LRCH1: variants seen among roughly 807,000 people sequenced by gnomAD.
The protein encoded by LRCH1 is leucine rich repeats and calponin homology domain containing 1, also known as leucine-rich repeat and calponin homology domain-containing protein 1.
Under a neutral mutation model 94.9 loss-of-function variants are expected in LRCH1, and 23 were observed. The ratio of observed to expected loss-of-function variants is 0.24; its 90% confidence interval spans 0.17 to 0.34. The LOEUF is 0.34. Among genes scored for constraint, LRCH1 ranks in the 10% least tolerant of loss-of-function variants. The probability of loss-of-function intolerance (pLI) is 1.00; values close to 1 mark genes in which losing one functional copy is unlikely to be tolerated. For missense variants in LRCH1, 790 were observed against 945.9 expected (o/e 0.84, Z 2.16); for synonymous variants, 364 against 354.9 (o/e 1.03, Z -0.29).
At chr13:46,693,181 A>G (rs563341453) in intron 8 of LRCH1, among the ~76,000 whole-genome samples, 1 of 151,986 alleles carries the variant, frequency 6.6e-6, no homozygotes, top group Non-Finnish European at 1.5e-5. Context: ...GATATGATAG[A>G]TATATTAGTT....
chr13:46,661,805 TA>T (rs2138102496), intron 2 of LRCH1, among the ~76,000 whole-genome samples: 1 of 152,380 alleles, frequency 6.6e-6, no homozygotes, highest in African/African-American at 2.4e-5. Context: ...TTATTATGAA[TA>T]TTTTTATTAC....
chr13:46,670,156 G>T (rs1177447557), intron 3 of LRCH1, among the ~76,000 whole-genome samples: 2 of 152,194 alleles, frequency 1.3e-5, no homozygotes, highest in Non-Finnish European at 2.9e-5. Context: ...CTTTAATATA[G>T]AAATTAATAA....
intron 10 of LRCH1, among the ~76,000 whole-genome samples, chr13:46,700,152 C>T (rs1871390024): frequency 6.6e-6 from 1 of 152,184 alleles, no homozygotes; most frequent in Admixed American, 6.5e-5. Context: ...TGAGTTTGGA[C>T]TGTGTGACAT....
intron 1 of LRCH1, among the ~76,000 whole-genome samples, chr13:46,637,712 G>GTTT (rs5803363): frequency 6.7e-6 from 1 of 150,328 alleles, no homozygotes; most frequent in Non-Finnish European, 1.5e-5. Flanking sequence ...GCACTTCGTA[G>GTTT]TTTTTTTTTT....
intron 1 of LRCH1, among the ~76,000 whole-genome samples, chr13:46,623,262 T>C (rs556690196): frequency 1.6e-4 from 25 of 152,210 alleles, no homozygotes; most frequent in Admixed American, 3.9e-4. Flanking sequence ...ACAATCTTGG[T>C]GAAAGATAAT....
At position 46,611,465 on chromosome 13, in the gene LRCH1, C is replaced by T. The variant is rs897800501; in HGVS notation, c.308-38736C>T. On this transcript the variant is annotated intron_variant, in intron 1 of 19. Transcript: ENST00000389797. ...AATAGAGATATTTGGCTCAAAAACA[C>T]ATGAGAGATGGTAGTGTGACAGAAT... Among the ~76,000 whole-genome samples, 8 of 152,180 alleles carry T rather than the reference C, an allele frequency of 5.3e-5. No individual in the cohort carries two copies. In the South Asian group the frequency reaches 6.2e-4, roughly 12 times the overall value.
intron 1 of LRCH1, among the ~76,000 whole-genome samples, chr13:46,582,149 CAAAAA>C (rs11387752): frequency 9.6e-6 from 1 of 104,604 alleles, no homozygotes. Flanking sequence ...GACTCCATCT[CAAAAA>C]AAAAAAAAAA....
chr13:46,711,872 T>C (rs766598884), intron 14 of LRCH1, 28 bp downstream of exon 14: 2 of 1,575,648 alleles, frequency 1.3e-6, no homozygotes, highest in Non-Finnish European at 1.7e-6. Flanking sequence ...TAATGGAAGG[T>C]GAGGTGTTTC....
At chr13:46,689,052 T>A (rs897553234) in intron 6 of LRCH1, 81 bp from the exon 7 acceptor site, 17 of 1,099,942 alleles carry the variant, frequency 1.5e-5, no homozygotes, top group Non-Finnish European at 6.8e-6. Context: ...ATTATTAGAA[T>A]ATAAATTGAT....
At chr13:46,598,578 T>C (rs1301609083) in intron 1 of LRCH1, among the ~76,000 whole-genome samples, 2 of 124,982 alleles carry the variant, frequency 1.6e-5, no homozygotes, top group Non-Finnish European at 1.6e-5. Flanking sequence ...TTTTGTAGTT[T>C]CACCACTAAC....
intron 1 of LRCH1, among the ~76,000 whole-genome samples, chr13:46,629,952 A>T (rs562225252): frequency 3.3e-5 from 5 of 152,306 alleles, no homozygotes; most frequent in African/African-American, 1.2e-4. Flanking sequence ...AATGAATAGG[A>T]TTAAAGTAAG....
At chr13:46,565,823 A>G (rs1219780889) in intron 1 of LRCH1, among the ~76,000 whole-genome samples, 2 of 147,638 alleles carry the variant, frequency 1.4e-5, no homozygotes, top group Non-Finnish European at 1.5e-5. Context: ...AATAATAATA[A>G]TAATAATAAT....
intron 4 of LRCH1, 77 bp downstream of exon 4, chr13:46,681,923 A>T: frequency 1.6e-6 from 1 of 610,438 alleles, no homozygotes; most frequent in Non-Finnish European, 2.7e-6. Context: ...ACTTTTGTGA[A>T]GAGGGTCGAT....
intron 15 of LRCH1, among the ~76,000 whole-genome samples, chr13:46,713,890 C>G (rs866018036): frequency 6.6e-6 from 1 of 152,168 alleles, no homozygotes; most frequent in Non-Finnish European, 1.5e-5. Context: ...CAGACTGTCT[C>G]CTAATCCTCA....
At chr13:46,632,919 A>G (rs1162311618) in intron 1 of LRCH1, among the ~76,000 whole-genome samples, 1 of 152,264 alleles carries the variant, frequency 6.6e-6, no homozygotes, top group African/African-American at 2.4e-5. Context: ...GTAAACAGTA[A>G]TATGAAATGG....
At chr13:46,649,162 T>C (rs2138076496) in intron 1 of LRCH1, among the ~76,000 whole-genome samples, 1 of 152,340 alleles carries the variant, frequency 6.6e-6, no homozygotes, top group South Asian at 2.1e-4. Flanking sequence ...ATCTATTTCA[T>C]CTGTGATATT....
intron 2 of LRCH1, among the ~76,000 whole-genome samples, chr13:46,652,404 T>TC (rs978898436): frequency 4.0e-5 from 6 of 151,612 alleles, no homozygotes; most frequent in Admixed American, 1.3e-4. Context: ...TGTTTTTTTT[T>TC]TTGTCAGGGT....
chr13:46,650,224 G>A lies in LRCH1; in HGVS notation c.331G>A (p.Glu111Lys). The A allele has an allele frequency of 6.2e-7, 1 of 1,611,930 alleles. No individual in the cohort carries two copies. The highest frequency in any genetic ancestry group is 8.5e-7 in the Non-Finnish European group (1 of 1,178,944). ...QADLSKNRLV[E>K]VPMELCHFVS... is the part of the protein sequence containing the mutation. ...AGACTTATCTAAAAACAGACTGGTT[G>A]AAGTTCCAATGGAATTGTGCCATTT... The change falls in exon 2 of 20, where the codon GAA becomes AAA. Residue 111 changes from glutamate (E) to lysine (K), a missense_variant. By Grantham distance (56) the Glu-to-Lys change is moderately conservative (BLOSUM62 1). This residue lies in a region of LRCH1 where 194 missense variants were observed against 293.5 expected (regional missense o/e 0.66). Coordinates refer to ENST00000389797, the MANE Select transcript of LRCH1 (RefSeq NM_001164211.2).
At chr13:46,647,085 G>C (rs1773133) in intron 1 of LRCH1, among the ~76,000 whole-genome samples, 101,142 of 149,078 alleles carry the variant, frequency 0.68, 34,485 homozygotes, top group Middle Eastern at 0.75. Flanking sequence ...TGCACTCCAG[G>C]CTGGGTGACA....
Sources: gnomAD v4.1 joint callset for allele counts (sites outside exome capture counted in the v4.1 genomes callset) on GRCh38, gnomAD v4.1.1 for gene constraint, gnomAD v4.1.1 regional missense constraint, MANE v1.5 for transcripts, NCBI Gene and HGNC (gene_info 2026-07-23, HGNC 2026-07-21) for gene names.